The following KIT variants were observed in gnomAD, a reference collection of about 807,000 sequenced individuals.
KIT encodes the protein KIT proto-oncogene, receptor tyrosine kinase, also known as mast/stem cell growth factor receptor Kit.
Under a neutral mutation model 105.7 loss-of-function variants are expected in KIT, and 16 were observed. The observed-to-expected ratio is 0.15, with a 90% CI of 0.10 to 0.23. The LOEUF is 0.23. KIT is among the 10% of genes least tolerant of loss of function. The pLI is 1.00. For missense variants in KIT, 858 were observed against 1,213.8 expected (o/e 0.71, Z 4.36); for synonymous variants, 438 against 441.1 (o/e 0.99, Z 0.09).
intron 1 of KIT, among the ~76,000 whole-genome samples, chr4:54,686,033 G>A (rs1719291503): frequency 6.6e-6 from 1 of 152,170 alleles, no homozygotes; most frequent in South Asian, 2.1e-4. Context: ...CAAATGATAG[G>A]AGCTCAATTC....
intron 1 of KIT, among the ~76,000 whole-genome samples, chr4:54,689,001 C>T (rs1464838939): frequency 6.6e-6 from 1 of 152,216 alleles, no homozygotes; most frequent in Non-Finnish European, 1.5e-5. Flanking sequence ...TTTCCATACA[C>T]CACACCCACA....
Position 54,738,456 on chromosome 4 carries a change from C to T in KIT, c.2830C>T (p.Pro944Ser), listed in dbSNP as rs1355431060. 2 of 1,613,878 alleles carry T rather than the reference C, an allele frequency of 1.2e-6. No individual in the cohort carries two copies. Among genetic ancestry groups the T allele is most frequent in the African/African-American group, 2.7e-5 (2 of 74,844 alleles). The change falls in exon 21 of 21, where the codon CCC becomes TCC. Residue 944 changes from proline to serine, a missense_variant. Pro to Ser is a moderately conservative substitution (Grantham distance 74, BLOSUM62 -1). Around this residue, in one of 7 missense-constraint regions of KIT, gnomAD observed 105 missense variants for 103.5 expected, o/e 1.01. Coordinates refer to ENST00000288135, the MANE Select transcript of KIT (RefSeq NM_000222.3). ...HIYSNLANCS[P>S]NRQKPVVDHS... is the part of the protein sequence containing the mutation. The stretch of plus-strand genomic sequence containing the variant: ...TTACTCCAACTTAGCAAACTGCAGC[C>T]CCAACCGACAGAAGCCCGTGGTAGA...
At chr4:54,685,377 T>C (rs1405897005) in intron 1 of KIT, among the ~76,000 whole-genome samples, 2 of 152,178 alleles carry the variant, frequency 1.3e-5, no homozygotes, top group Non-Finnish European at 2.9e-5. Flanking sequence ...CTCCCCATCA[T>C]GTAAGACAAA....
intron 5 of KIT, among the ~76,000 whole-genome samples, chr4:54,704,132 C>T (rs1254496118): frequency 6.6e-6 from 1 of 152,194 alleles, no homozygotes; most frequent in Non-Finnish European, 1.5e-5. Flanking sequence ...ATTCTTTGTG[C>T]ACCTCACCCT....
intron 6 of KIT, among the ~76,000 whole-genome samples, chr4:54,707,618 G>T (rs529463815): frequency 2.0e-5 from 3 of 152,200 alleles, no homozygotes; most frequent in Non-Finnish European, 4.4e-5. Flanking sequence ...AAAAAGGGAA[G>T]TTAGTACCTA....
chr4:54,713,083 TC>T (rs1721260334), intron 7 of KIT, among the ~76,000 whole-genome samples: 1 of 151,924 alleles, frequency 6.6e-6, no homozygotes, highest in African/African-American at 2.4e-5. Flanking sequence ...TGAAAAAAAA[TC>T]TAGTTAACAT....
At chr4:54,681,529 G>A (rs1718917792) in intron 1 of KIT, among the ~76,000 whole-genome samples, 1 of 152,164 alleles carries the variant, frequency 6.6e-6, no homozygotes, top group Admixed American at 6.5e-5. Context: ...GGATGAGTGA[G>A]TGAGAAGAGA....
intron 1 of KIT, among the ~76,000 whole-genome samples, chr4:54,661,818 TTAGAGAGGAATTGAGTTGAGTCA>T (rs1477992558): frequency 2.0e-5 from 3 of 152,200 alleles, no homozygotes; most frequent in Non-Finnish European, 2.9e-5. Flanking sequence ...TTTGTTGTAC[TTAGAGAGGAATTGAGTTGAGTCA>T]TAGAGAGGAA....
In KIT at chr4:54,668,452, A is replaced by T. The variant is rs565291569; in HGVS notation, c.67+10371A>T. 2.6e-5 allele frequency among the ~76,000 whole-genome samples: 4 copies of T among 152,364 alleles called. No homozygotes were observed. The South Asian group carries it at 8.3e-4, about 32-fold the overall frequency. On this transcript the variant is annotated intron_variant, in intron 1 of 20. Transcript: ENST00000288135. ...GGGTTTACCCCAGGTAACTCATTTC[A>T]CAGGGTGTTAGAACATTTCAGAGGG...
intron 7 of KIT, among the ~76,000 whole-genome samples, chr4:54,721,197 C>T (rs571624142): frequency 5.3e-5 from 8 of 152,244 alleles, no homozygotes; most frequent in Middle Eastern, 3.4e-3. Flanking sequence ...TGCATACCAG[C>T]GTCAGGTGTT....
chr4:54,715,956 GT>G (rs35621801), intron 7 of KIT, among the ~76,000 whole-genome samples: 51,119 of 151,940 alleles, frequency 0.34, 8,802 homozygotes, highest in South Asian at 0.4. Context: ...ACAGAGCAAA[GT>G]TACTAGAACT....
At chr4:54,714,955 C>G (rs1326388809) in intron 7 of KIT, among the ~76,000 whole-genome samples, 3 of 152,010 alleles carry the variant, frequency 2.0e-5, no homozygotes, top group African/African-American at 7.2e-5. Flanking sequence ...CTGAAGTGCA[C>G]CAAATTAACT....
chr4:54,712,972 C>T (rs994335773), intron 7 of KIT, among the ~76,000 whole-genome samples: 10 of 152,034 alleles, frequency 6.6e-5, no homozygotes, highest in Non-Finnish European at 1.5e-4. Flanking sequence ...AACGTTTGGA[C>T]AGAGGTAGTA....
chr4:54,686,837 T>G (rs1310161060), intron 1 of KIT, among the ~76,000 whole-genome samples: 1 of 152,190 alleles, frequency 6.6e-6, no homozygotes, highest in Non-Finnish European at 1.5e-5. Context: ...CAGCCACCAC[T>G]CCTGGCCCTG....
chr4:54,701,458 G>A (rs1180558758), intron 4 of KIT, among the ~76,000 whole-genome samples: 1 of 152,138 alleles, frequency 6.6e-6, no homozygotes, highest in Non-Finnish European at 1.5e-5. Context: ...TGACTTTTTA[G>A]CATTGTTGCC....
intron 5 of KIT, among the ~76,000 whole-genome samples, chr4:54,706,043 T>G (rs1385420852): frequency 6.6e-6 from 1 of 152,202 alleles, no homozygotes; most frequent in Non-Finnish European, 1.5e-5. Flanking sequence ...TTTTTTATAT[T>G]ATTATATCAC....
intron 7 of KIT, among the ~76,000 whole-genome samples, chr4:54,718,160 G>T (rs1252850383): frequency 1.3e-5 from 2 of 152,180 alleles, no homozygotes; most frequent in African/African-American, 2.4e-5. Context: ...TAGTGCAGTG[G>T]CACAATCTTG....
At chr4:54,675,448 A>C (rs1718402227) in intron 1 of KIT, among the ~76,000 whole-genome samples, 1 of 152,242 alleles carries the variant, frequency 6.6e-6, no homozygotes, top group African/African-American at 2.4e-5. Context: ...AATGTCACCC[A>C]AGAAAAATTA....
intron 7 of KIT, among the ~76,000 whole-genome samples, chr4:54,719,732 A>G (rs1162883164): frequency 6.6e-6 from 1 of 152,230 alleles, no homozygotes; most frequent in Non-Finnish European, 1.5e-5. Flanking sequence ...CTGCAGAGTT[A>G]TGTATCTTTA....
Sources: allele counts gnomAD v4.1 joint callset (sites outside exome capture counted in the v4.1 genomes callset), GRCh38; gene constraint gnomAD v4.1.1; regional missense constraint gnomAD v4.1.1; transcripts MANE v1.5; gene names NCBI Gene and HGNC (gene_info 2026-07-23, HGNC 2026-07-21).